Variants in MEGF6 observed in about 807,000 individuals in gnomAD.
MEGF6 encodes multiple EGF like domains 6.
A neutral mutation model predicts 207.1 loss-of-function variants in MEGF6; 184 were observed. The observed-to-expected ratio is 0.89, with a 90% CI of 0.79 to 1.00. The LOEUF is 1.00. Ranked by LOEUF, MEGF6 falls within the 50% of genes least tolerant of loss-of-function variation. The pLI is 0.00. For missense variants in MEGF6, 2,282 were observed against 2,202.9 expected (o/e 1.04, Z -0.72); for synonymous variants, 1,038 against 910.0 (o/e 1.14, Z -2.53).
At chr1:3,608,814 C>A (rs979441260) in intron 1 of MEGF6, among the ~76,000 whole-genome samples, 1 of 152,186 alleles carries the variant, frequency 6.6e-6, no homozygotes, top group Non-Finnish European at 1.5e-5. Flanking sequence ...CTGCATGAGG[C>A]CCCAGGAAGG....
Position 3,531,443 on chromosome 1 carries a change from G to A in MEGF6, c.482-7197C>T, listed in dbSNP as rs1043058775. ...GGCGCGCCCCGCCCCTCGCCTTTAA[G>A]TTCTCAGCTTTCCCTCCGCCCCGCA... On this transcript the variant is annotated intron_variant, in intron 4 of 36. Transcript: ENST00000356575. 43 of 1,109,990 alleles carry A rather than the reference G, an allele frequency of 3.9e-5. No homozygotes were observed. The African/African-American group carries it at 6.6e-4, about 17-fold the overall frequency. The allele number at this position is 1,109,990 out of a possible 1,614,324, so 68.8% of individuals were successfully genotyped here.
chr1:3,558,363 G>A (rs1417690960), intron 4 of MEGF6, among the ~76,000 whole-genome samples: 6 of 152,216 alleles, frequency 3.9e-5, no homozygotes, highest in East Asian at 1.9e-4. Flanking sequence ...GGTCTGGTGC[G>A]GTGGCTCACA....
chr1:3,524,231 C>A lies in MEGF6; in HGVS notation c.497G>T (p.Arg166Leu), dbSNP rs148559223. ...PRCQYDVDEC[R>L]THNGGCQHRC... ...GTGCTGGCAGCCACCGTTGTGGGTT[C>A]GGCATTCGTCCACATCTGAGCAGGA... is the stretch of plus-strand genomic sequence containing the variant. Residue 166 changes from arginine to leucine, a missense_variant, in exon 5 of 37, where the codon CGA becomes CTA. Arg to Leu is a moderately radical substitution (Grantham distance 102). Transcript: ENST00000356575. The A allele has an allele frequency of 4.7e-4, 757 of 1,612,284 alleles. 1 individual carries two copies. Among genetic ancestry groups the A allele is most frequent in the African/African-American group, 3.6e-3 (269 of 75,048 alleles).
Position 3,498,950 on chromosome 1 carries a change from A to G in MEGF6, c.3095-124T>C. 4 of 1,425,498 alleles carry G rather than the reference A, an allele frequency of 2.8e-6. No individual in the cohort carries two copies. The Admixed American group carries it at 8.3e-5, about 30-fold the overall frequency. The allele number at this position is 1,425,498 out of a possible 1,614,324, so 88.3% of individuals were successfully genotyped here. On this transcript the variant is annotated intron_variant, in intron 24 of 36. Coordinates refer to ENST00000356575, the MANE Select transcript of MEGF6 (RefSeq NM_001409.4). ...CACCTTGCAGGGGGCTGCCCCTAGG[A>G]TGACCTGCCAGCCCAGCCTCACTCC... is the stretch of plus-strand genomic sequence containing the variant.
intron 1 of MEGF6, among the ~76,000 whole-genome samples, chr1:3,605,365 ACACTCAAT>A (rs1644229811): frequency 6.6e-6 from 1 of 151,424 alleles, no homozygotes; most frequent in African/African-American, 2.4e-5. Context: ...ACGTTCACAC[ACACTCAAT>A]CACACTCACT....
At chr1:3,582,177 G>A (rs772374694) in intron 3 of MEGF6, among the ~76,000 whole-genome samples, 132 of 152,266 alleles carry the variant, frequency 8.7e-4, no homozygotes, top group Non-Finnish European at 1.6e-3. Flanking sequence ...GACATTAATT[G>A]TTGCTCTTCA....
chr1:3,511,602 C>T lies in MEGF6; in HGVS notation c.1062G>A (p.Leu354=), dbSNP rs1312295661. The T allele has an allele frequency of 1.2e-6, 2 of 1,612,504 alleles. No individual in the cohort carries two copies. The highest frequency in any genetic ancestry group is 4.5e-5 in the East Asian group (2 of 44,864). ...HGCSHTSAGP[L]CTCPRGYELD... ...GCTCGTAGCCGCGGGGACATGTGCACAGGGGCCCAGCACTGGTGTGGCTGC... is the reference window on the plus strand; with the variant it reads ...GCTCGTAGCCGCGGGGACATGTGCATAGGGGCCCAGCACTGGTGTGGCTGC... The change falls in exon 9 of 37, where the codon CTG becomes CTA. Residue 354 remains leucine (L), a synonymous_variant. Coordinates refer to ENST00000356575, the MANE Select transcript of MEGF6 (RefSeq NM_001409.4).
intron 3 of MEGF6, among the ~76,000 whole-genome samples, chr1:3,584,142 G>A (rs75713517): frequency 0.012 from 1,894 of 152,360 alleles, 41 homozygotes; most frequent in African/African-American, 0.043. Flanking sequence ...GGCGCAGGAC[G>A]GCAGGTTTGG....
In MEGF6 at chr1:3,579,805, C is replaced by T; in HGVS notation, c.481+20G>A. 1.4e-6 allele frequency: 2 copies of T among 1,451,234 alleles called. No individual in the cohort carries two copies. Among genetic ancestry groups the T allele is most frequent in the Non-Finnish European group, 9.1e-7 (1 of 1,103,226 alleles). The allele number at this position is 1,451,234 out of a possible 1,614,324, so 89.9% of individuals were successfully genotyped here. A position where few individuals can be genotyped will look rare whatever the true frequency, so the allele number is the denominator to read the frequency against. ...GGCTGGCCATGGCCAGGGCCTTGGT[C>T]CCCCAGGGGCTCCACTCACCATACT... On this transcript the variant is annotated intron_variant, in intron 4 of 36. Coordinates refer to ENST00000356575, the MANE Select transcript of MEGF6 (RefSeq NM_001409.4).
At chr1:3,612,415 T>G (rs567976638), upstream of MEGF6, among the ~76,000 whole-genome samples, 1 of 152,102 alleles carries the variant, frequency 6.6e-6, no homozygotes, top group South Asian at 2.1e-4. Flanking sequence ...GGTTTTGGTT[T>G]GAAATTGACT....
intron 4 of MEGF6, among the ~76,000 whole-genome samples, chr1:3,528,056 C>G (rs2101306328): frequency 6.6e-6 from 1 of 152,334 alleles, no homozygotes; most frequent in South Asian, 2.1e-4. Context: ...ACCCAGGCTT[C>G]CGGTGCCTGC....
At chr1:3,492,267 A>G (rs1039511174) in intron 35 of MEGF6, among the ~76,000 whole-genome samples, 1 of 152,084 alleles carries the variant, frequency 6.6e-6, no homozygotes, top group Non-Finnish European at 1.5e-5. Flanking sequence ...AGGGGCAGGG[A>G]TGGCCAGCGT....
At chr1:3,550,868 G>A (rs992867991) in intron 4 of MEGF6, among the ~76,000 whole-genome samples, 1 of 152,258 alleles carries the variant, frequency 6.6e-6, no homozygotes, top group Non-Finnish European at 1.5e-5. Flanking sequence ...AGTGTCCCCC[G>A]TGTGCTAGTC....
Position 3,499,530 on chromosome 1 carries a change from A to G in MEGF6, c.2965+58T>C, listed in dbSNP as rs1226858918. 7 of 1,539,872 alleles carry G rather than the reference A, an allele frequency of 4.5e-6. No homozygotes were observed. The East Asian group carries it at 1.7e-4, about 37-fold the overall frequency. On this transcript the variant is annotated intron_variant, in intron 23 of 36. Coordinates refer to ENST00000356575, the MANE Select transcript of MEGF6 (RefSeq NM_001409.4). ...GACAGGTGGCAGGAGGGAGTCTCCT[A>G]CGGAGGACCTGGCACCCCCTCCTGC...
chr1:3,520,007 A>G (rs1641684697), intron 5 of MEGF6, among the ~76,000 whole-genome samples: 2 of 152,354 alleles, frequency 1.3e-5, no homozygotes, highest in East Asian at 3.9e-4. Context: ...GTGTGACAAC[A>G]GAGTCCCCTC....
chr1:3,542,515 C>T (rs1282655971), intron 4 of MEGF6, among the ~76,000 whole-genome samples: 1 of 152,134 alleles, frequency 6.6e-6, no homozygotes, highest in Non-Finnish European at 1.5e-5. Context: ...CCCCGAGGAC[C>T]ATGGTCAAGA....
At position 3,578,542 on chromosome 1, in the gene MEGF6, G is replaced by C. The variant is rs1021417423; in HGVS notation, c.481+1283C>G. ...AATGACAGGGCAGGGGCCCTGGGGG[G>C]GGGGGGCCCTTTCGTCCACACGAGA... On this transcript the variant is annotated intron_variant, in intron 4 of 36. Coordinates refer to ENST00000356575, the MANE Select transcript of MEGF6 (RefSeq NM_001409.4). Among the ~76,000 whole-genome samples, 4 of 152,156 alleles carry C rather than the reference G, an allele frequency of 2.6e-5. No homozygotes were observed. The East Asian group carries it at 5.8e-4, about 22-fold the overall frequency.
chr1:3,495,409 G>A (rs1295185586), intron 30 of MEGF6, among the ~76,000 whole-genome samples: 1 of 152,182 alleles, frequency 6.6e-6, no homozygotes, highest in East Asian at 1.9e-4. Flanking sequence ...GTCTGAGCAG[G>A]AGCCACTACG....
intron 3 of MEGF6, among the ~76,000 whole-genome samples, chr1:3,582,780 T>C (rs1338693069): frequency 6.6e-6 from 1 of 152,130 alleles, no homozygotes; most frequent in African/African-American, 2.4e-5. Flanking sequence ...CTTCCCCAAA[T>C]GTCACTTCCA....
Sources: gnomAD v4.1 joint callset for allele counts (sites outside exome capture counted in the v4.1 genomes callset) on GRCh38, gnomAD v4.1.1 for gene constraint, MANE v1.5 for transcripts, NCBI Gene and HGNC (gene_info 2026-07-23, HGNC 2026-07-21) for gene names.